ADGRL2: variants seen among roughly 807,000 people sequenced by gnomAD.
ADGRL2 encodes calcium-independent alpha-latrotoxin receptor 2.
ADGRL2 carries 44 observed loss-of-function variants against 157.4 expected under a neutral mutation model. That is an observed-to-expected ratio of 0.28 (90% CI 0.22 to 0.36). The LOEUF (loss-of-function observed/expected upper bound fraction) is 0.36, where lower values mean the gene tolerates loss of function less well. Ranked by LOEUF, ADGRL2 falls within the 10% of genes least tolerant of loss-of-function variation. The pLI is 1.00. For synonymous variants in ADGRL2, 585 were observed against 624.7 expected, an observed-to-expected ratio of 0.94 and a Z score of 0.95; for missense variants, 1,510 against 1,768.9, an observed-to-expected ratio of 0.85 and a Z score of 2.63.
intron 1 of ADGRL2, among the ~76,000 whole-genome samples, chr1:81,751,454 CAA>C (rs757862626): frequency 5.1e-4 from 78 of 152,188 alleles, no homozygotes; most frequent in South Asian, 1.7e-3. Flanking sequence ...AATGAGAAAA[CAA>C]AAGAGAAACC....
At chr1:81,447,989 G>A (rs1183308251) in intron 2 of ADGRL2, among the ~76,000 whole-genome samples, 3 of 151,676 alleles carry the variant, frequency 2.0e-5, no homozygotes, top group Non-Finnish European at 2.9e-5. Context: ...CTCCTGCTCC[G>A]GCCATGTAAG....
At chr1:81,875,846 T>C (rs2093825683) in intron 2 of ADGRL2, among the ~76,000 whole-genome samples, 2 of 152,154 alleles carry the variant, frequency 1.3e-5, no homozygotes, top group Admixed American at 1.3e-4. Flanking sequence ...AGAGGTACAT[T>C]TTCTTCCACC....
At chr1:81,775,973 G>T (rs2086565487) in intron 2 of ADGRL2, among the ~76,000 whole-genome samples, 2 of 151,996 alleles carry the variant, frequency 1.3e-5, no homozygotes, top group Admixed American at 1.3e-4. Context: ...CTAGTCCTTG[G>T]GTTACTTTTT....
In ADGRL2 at chr1:81,516,725, C is replaced by G. The variant is rs182897801; in HGVS notation, c.-247-64151C>G. 5.3e-5 allele frequency among the ~76,000 whole-genome samples: 8 copies of G among 152,272 alleles called. No individual in the cohort carries two copies. In the East Asian group the frequency reaches 1.4e-3, roughly 26 times the overall value. On this transcript the variant is annotated intron_variant, in intron 2 of 24. Coordinates refer to the ADGRL2 transcript ENST00000370721. ...AACTAGGAAATGCAATCATTCTATC[C>G]CTAGTTAGGAGATGGATGAGACAGG...
chr1:81,923,944 G>A (rs970574099), intron 3 of ADGRL2, among the ~76,000 whole-genome samples: 8 of 152,176 alleles, frequency 5.3e-5, no homozygotes, highest in Non-Finnish European at 5.9e-5. Flanking sequence ...AAAATAATTA[G>A]TGAGTTTAGC....
At chr1:81,326,764 G>T (rs901422068) in intron 1 of ADGRL2, among the ~76,000 whole-genome samples, 2 of 152,122 alleles carry the variant, frequency 1.3e-5, no homozygotes, top group African/African-American at 4.8e-5. Context: ...AGTTCCTCAG[G>T]TTTTAATAAA....
intron 1 of ADGRL2, among the ~76,000 whole-genome samples, chr1:81,326,744 T>G (rs1660928319): frequency 6.6e-6 from 1 of 152,338 alleles, no homozygotes; most frequent in Middle Eastern, 3.4e-3. Flanking sequence ...ATCCAGACAG[T>G]TATATCTTCA....
chr1:81,882,764 T>C (rs527252269), intron 2 of ADGRL2, among the ~76,000 whole-genome samples: 3 of 152,358 alleles, frequency 2.0e-5, no homozygotes, highest in African/African-American at 7.2e-5. Context: ...CTTTATTTTC[T>C]TGTGGAACCC....
chr1:81,823,754 C>A (rs539126936), intron 1 of ADGRL2, among the ~76,000 whole-genome samples: 2 of 151,990 alleles, frequency 1.3e-5, no homozygotes, highest in African/African-American at 4.8e-5. Context: ...AGCCAAGGGA[C>A]AAGTGGCAGA....
At chr1:81,908,073 T>C (rs2094624023) in intron 3 of ADGRL2, among the ~76,000 whole-genome samples, 1 of 152,228 alleles carries the variant, frequency 6.6e-6, no homozygotes, top group Non-Finnish European at 1.5e-5. Flanking sequence ...CACTTAACAT[T>C]GTATTATAAT....
At chr1:81,880,526 G>A (rs2093958735) in intron 2 of ADGRL2, among the ~76,000 whole-genome samples, 1 of 151,758 alleles carries the variant, frequency 6.6e-6, no homozygotes, top group Non-Finnish European at 1.5e-5. Flanking sequence ...TTAAGCGAAA[G>A]GAAAGCTCTC....
intron 2 of ADGRL2, among the ~76,000 whole-genome samples, chr1:81,778,188 G>A (rs1038911685): frequency 7.4e-6 from 1 of 135,376 alleles, no homozygotes; most frequent in African/African-American, 3.0e-5. Flanking sequence ...CAAGCATGGT[G>A]GCGGGCACTT....
intron 22 of ADGRL2, 36 bp from the exon 23 acceptor site, chr1:81,987,833 C>T (rs775293793): frequency 1.0e-4 from 31 of 304,724 alleles, no homozygotes; most frequent in South Asian, 9.9e-4. Flanking sequence ...TTTTCATTCT[C>T]TTGTTTTTTT....
intron 9 of ADGRL2, among the ~76,000 whole-genome samples, chr1:81,952,497 T>C (rs1298603162): frequency 6.6e-6 from 1 of 152,184 alleles, no homozygotes; most frequent in Non-Finnish European, 1.5e-5. Flanking sequence ...ACTCTTATAG[T>C]TGCAGCAAAA....
At chr1:81,388,699 C>A (rs777957790) in intron 1 of ADGRL2, among the ~76,000 whole-genome samples, 9 of 152,140 alleles carry the variant, frequency 5.9e-5, no homozygotes, top group Non-Finnish European at 8.8e-5. Flanking sequence ...GCCCTCACAT[C>A]GGATCTGCGG....
At chr1:81,600,796 A>G (rs965112549) in intron 3 of ADGRL2, among the ~76,000 whole-genome samples, 1 of 152,216 alleles carries the variant, frequency 6.6e-6, no homozygotes, top group African/African-American at 2.4e-5. Context: ...ACTTTAGATC[A>G]CAAGATTTCT....
chr1:81,860,955 A>C (rs979729782), intron 2 of ADGRL2, among the ~76,000 whole-genome samples: 2 of 147,214 alleles, frequency 1.4e-5, no homozygotes, highest in Non-Finnish European at 1.5e-5. Flanking sequence ...ACTTTGGCCT[A>C]TTTTGATAAT....
chr1:81,818,133 A>G lies in ADGRL2; in HGVS notation c.-101+17065A>G, dbSNP rs534017990. On this transcript the variant is annotated intron_variant, in intron 1 of 23. Coordinates refer to ENST00000686636, the MANE Select transcript of ADGRL2 (RefSeq NM_001366006.2). ...TGCATTGAGCTACAATCTTGCTACT[A>G]CACTCCAACCTGGGCAACAGACCTC... 3.9e-4 allele frequency among the ~76,000 whole-genome samples: 60 copies of G among 152,090 alleles called. 1 individual carries two copies. In the South Asian group the frequency reaches 0.012, roughly 31 times the overall value.
rs113206741 is a variant in ADGRL2 at position 81,693,833 on chromosome 1, C to T, written c.-142-67978C>T. ...GGAAATTATATATAGAAAAATGACA[C>T]AGAAAAGATATGGACTGGCCCGAGT... On this transcript the variant is annotated intron_variant, in intron 3 of 24. Transcript: ENST00000370721. 4.1e-3 allele frequency among the ~76,000 whole-genome samples: 628 copies of T among 152,218 alleles called. 6 individuals are homozygous for T. The highest frequency in any genetic ancestry group is 0.014 in the African/African-American group (588 of 41,546).
Sources: gnomAD v4.1 joint callset for allele counts (sites outside exome capture counted in the v4.1 genomes callset) on GRCh38, gnomAD v4.1.1 for gene constraint, MANE v1.5 for transcripts, NCBI Gene and HGNC (gene_info 2026-07-23, HGNC 2026-07-21) for gene names.